Variants in SPMIP5 observed in about 807,000 individuals in gnomAD.
SPMIP5 encodes the protein sperm microtubule inner protein 5.
the SPMIP5 span, chr10:116,664,561 G>A: frequency 9.3e-7 from 1 of 1,077,612 alleles, no homozygotes; most frequent in East Asian, 2.8e-5. Flanking sequence ...AGCTGCTGGG[G>A]AATGCTGAGC....
the SPMIP5 span, chr10:116,668,150 G>C: frequency 9.2e-7 from 1 of 1,081,792 alleles, no homozygotes; most frequent in South Asian, 1.3e-5. Context: ...AGAGCGCCTA[G>C]ACTGGTCCAG....
the SPMIP5 span, chr10:116,668,214 G>C: frequency 1.3e-6 from 2 of 1,578,480 alleles, no homozygotes; most frequent in South Asian, 2.2e-5. Flanking sequence ...ACCAGGACCC[G>C]GGTTCCCCTG....
the SPMIP5 span, chr10:116,665,725 G>T: frequency 1.2e-6 from 2 of 1,614,178 alleles, no homozygotes; most frequent in Non-Finnish European, 1.7e-6. Context: ...AATTCCCGCA[G>T]CTGTTCTTTA....
the SPMIP5 span, among the ~76,000 whole-genome samples, chr10:116,667,174 C>T: frequency 6.6e-6 from 1 of 151,982 alleles, no homozygotes; most frequent in South Asian, 2.1e-4. Flanking sequence ...GGGGGAAATG[C>T]CGTGTGAGGA....
chr10:116,668,935 A>G, the SPMIP5 span, among the ~76,000 whole-genome samples: 2 of 46,248 alleles, frequency 4.3e-5, no homozygotes, highest in Non-Finnish European at 5.2e-5. Context: ...ACACACATGC[A>G]CACACACACA....
chr10:116,664,134 T>C, the SPMIP5 span: 78 of 1,613,836 alleles, frequency 4.8e-5, no homozygotes, highest in South Asian at 8.3e-4. Context: ...CATCCCCTTT[T>C]TAAAACGGTA....
the SPMIP5 span, chr10:116,664,818 T>C: frequency 1.2e-6 from 2 of 1,614,180 alleles, no homozygotes; most frequent in African/African-American, 1.3e-5. Flanking sequence ...CAGGAAGTCC[T>C]TGTAGCAGTT....
the SPMIP5 span, among the ~76,000 whole-genome samples, chr10:116,663,092 G>C: frequency 2.0e-5 from 3 of 150,536 alleles, no homozygotes; most frequent in Non-Finnish European, 4.4e-5. Flanking sequence ...TGAGGCAGGA[G>C]AATGGCGTGA....
the SPMIP5 span, chr10:116,664,390 C>A: frequency 2.3e-6 from 2 of 875,280 alleles, no homozygotes; most frequent in African/African-American, 1.7e-5. Context: ...TATGTTATTT[C>A]TTTACAATTT....
chr10:116,662,829 A>G, the SPMIP5 span, among the ~76,000 whole-genome samples: 10 of 152,212 alleles, frequency 6.6e-5, no homozygotes, highest in African/African-American at 1.9e-4. Flanking sequence ...ATGAGTTACA[A>G]TGAGGTCACA....
the SPMIP5 span, chr10:116,664,244 A>C: frequency 1.2e-6 from 2 of 1,609,232 alleles, no homozygotes; most frequent in Non-Finnish European, 8.5e-7. Flanking sequence ...ACGGAGCAGA[A>C]GTTTTTGTGG....
chr10:116,663,427 TTG>T, the SPMIP5 span, among the ~76,000 whole-genome samples: 1 of 152,106 alleles, frequency 6.6e-6, no homozygotes, highest in Non-Finnish European at 1.5e-5. Flanking sequence ...TTGTGGGACT[TTG>T]TGGAGGCAGC....
chr10:116,665,938 C>G, the SPMIP5 span: 2 of 877,628 alleles, frequency 2.3e-6, no homozygotes, highest in Non-Finnish European at 3.5e-6. Context: ...TCTTCCTCAG[C>G]CAACAGCACT....
At chr10:116,665,201 A>G in the SPMIP5 span, 1 of 976,214 alleles carries the variant, frequency 1.0e-6, no homozygotes, top group Non-Finnish European at 1.3e-6. Context: ...ATTTGAGACC[A>G]CCCTCGGCAA....
chr10:116,667,036 G>A, the SPMIP5 span, among the ~76,000 whole-genome samples: 1 of 152,262 alleles, frequency 6.6e-6, no homozygotes, highest in Non-Finnish European at 1.5e-5. Context: ...TACAAATAGG[G>A]ACTTCTCAGA....
chr10:116,668,170 C>A, the SPMIP5 span: 1 of 1,321,414 alleles, frequency 7.6e-7, no homozygotes. Flanking sequence ...GTTGGCTGCA[C>A]AGACACAGAC....
At chr10:116,668,246 G>A in the SPMIP5 span, 22 of 1,612,138 alleles carry the variant, frequency 1.4e-5, no homozygotes, top group South Asian at 4.4e-5. Flanking sequence ...TGCAGGGTAC[G>A]TCCACACTTA....
At chr10:116,663,950 T>A in the SPMIP5 span, 2 of 1,538,014 alleles carry the variant, frequency 1.3e-6, no homozygotes, top group Non-Finnish European at 1.7e-6. Context: ...TCTAGATACA[T>A]CTTCCCACTG....
chr10:116,668,946 C>CACACACACACACACACAT, the SPMIP5 span, among the ~76,000 whole-genome samples: 6 of 151,002 alleles, frequency 4.0e-5, no homozygotes, highest in African/African-American at 1.5e-4. Context: ...CACACACACA[C>CACACACACACACACACAT]ACACACACAC....
Sources: gnomAD v4.1 joint callset for allele counts (sites outside exome capture counted in the v4.1 genomes callset) on GRCh38, gnomAD v4.1.1 for gene constraint, MANE v1.5 for transcripts, NCBI Gene and HGNC (gene_info 2026-07-23, HGNC 2026-07-21) for gene names.